The following CACNA1C variants were observed in gnomAD, a reference collection of about 807,000 sequenced individuals.
The protein encoded by CACNA1C is calcium voltage-gated channel subunit alpha1 C, also known as voltage-dependent L-type calcium channel subunit alpha-1C.
Under a neutral mutation model 229.0 loss-of-function variants are expected in CACNA1C, and 30 were observed. The ratio of observed to expected loss-of-function variants is 0.13; its 90% CI spans 0.10 to 0.18. The LOEUF (loss-of-function observed/expected upper bound fraction) is 0.18. Among genes scored for constraint, CACNA1C ranks in the 10% least tolerant of loss-of-function variants. The probability of loss-of-function intolerance (pLI) is 1.00; values close to 1 mark genes in which losing one functional copy is unlikely to be tolerated. For missense variants in CACNA1C, 1,658 were observed against 2,845.0 expected (o/e 0.58, Z 9.49); for synonymous variants, 1,114 against 1,132.5 (o/e 0.98, Z 0.33).
intron 6 of CACNA1C, among the ~76,000 whole-genome samples, chr12:2,490,807 G>A (rs1485739169): frequency 7.9e-5 from 12 of 152,106 alleles, no homozygotes; most frequent in Admixed American, 6.5e-5. Context: ...GCCCTCCTGG[G>A]AGCTGGACCC....
At chr12:2,619,783 C>A (rs562370921) in intron 29 of CACNA1C, among the ~76,000 whole-genome samples, 1 of 152,222 alleles carries the variant, frequency 6.6e-6, no homozygotes, top group East Asian at 1.9e-4. Context: ...TCACCAACAA[C>A]CCCCAAAATA....
In CACNA1C at chr12:2,549,951, C is replaced by T; in HGVS notation, c.1399C>T (p.Pro467Ser). ...DEEKPRNMSM[P>S]TSETESVNTE... ...CCCTTTGACTCTTGCAGTGAGCATGCCCACCAGTGAGACCGAGTCCGTCAA... is the reference window on the plus strand; with the variant it reads ...CCCTTTGACTCTTGCAGTGAGCATGTCCACCAGTGAGACCGAGTCCGTCAA... Residue 467 changes from proline to serine, a missense_variant, in exon 10 of 47, where the codon CCC becomes TCC. By Grantham distance (74) the Pro-to-Ser change is moderately conservative (BLOSUM62 -1). Transcript: ENST00000399655. The T allele has an allele frequency of 6.2e-7, 1 of 1,601,270 alleles. No homozygotes were observed. The highest frequency in any genetic ancestry group is 8.5e-7 in the Non-Finnish European group (1 of 1,173,508).
At chr12:2,284,147 C>T (rs1483426146) in intron 3 of CACNA1C, among the ~76,000 whole-genome samples, 1 of 152,286 alleles carries the variant, frequency 6.6e-6, no homozygotes, top group African/African-American at 2.4e-5. Context: ...AGTGCTGAGG[C>T]TCTGCCGGGC....
At chr12:2,494,448 G>A (rs768438392) in intron 7 of CACNA1C, among the ~76,000 whole-genome samples, 8 of 152,318 alleles carry the variant, frequency 5.3e-5, no homozygotes, top group Admixed American at 1.3e-4. Context: ...GAATTTGGGC[G>A]AATAAAGCAT....
chr12:2,087,881 T>C (rs951935918), intron 1 of CACNA1C, among the ~76,000 whole-genome samples: 2 of 152,244 alleles, frequency 1.3e-5, no homozygotes, highest in Non-Finnish European at 2.9e-5. Flanking sequence ...TGTTTGTCTC[T>C]GGGTAATGGT....
chr12:2,680,247 G>A (rs2097067873), intron 42 of CACNA1C: 10 of 744,286 alleles, frequency 1.3e-5, no homozygotes, highest in South Asian at 6.8e-5. Context: ...TGTGGGAGGC[G>A]CCATCTGTAG....
At chr12:2,106,559 C>G (rs2078757749) in intron 1 of CACNA1C, among the ~76,000 whole-genome samples, 1 of 118,274 alleles carries the variant, frequency 8.5e-6, no homozygotes, top group Non-Finnish European at 1.8e-5. Context: ...GTTTCCACCT[C>G]AGCTGGGCAT....
chr12:2,608,280 T>C lies in CACNA1C; in HGVS notation c.3357-231T>C, dbSNP rs185199011. 6.6e-6 allele frequency among the ~76,000 whole-genome samples: 1 copy of C among 152,300 alleles called. No individual in the cohort carries two copies. The highest frequency in any genetic ancestry group is 2.4e-5 in the African/African-American group (1 of 41,554). Reference sequence around the variant, plus strand: ...ACATTATTCTAACTACCCTGCAAGGTAGGAAAGTCAGGAATTATTGTCTCC... The same window carrying C: ...ACATTATTCTAACTACCCTGCAAGGCAGGAAAGTCAGGAATTATTGTCTCC... On this transcript the variant is annotated intron_variant, in intron 26 of 46. Transcript: ENST00000399655. This position sits in a 1 kb window ranked among gnomAD's most constrained non-coding sequence, Gnocchi z 4.2.
chr12:2,473,294 A>G (rs1427036410), intron 5 of CACNA1C, among the ~76,000 whole-genome samples: 3 of 152,166 alleles, frequency 2.0e-5, no homozygotes, highest in Non-Finnish European at 4.4e-5. Context: ...AGGGCCCTGT[A>G]TCTACCTCGC....
chr12:2,484,201 G>A (rs2099688308), intron 5 of CACNA1C, among the ~76,000 whole-genome samples: 1 of 152,230 alleles, frequency 6.6e-6, no homozygotes, highest in African/African-American at 2.4e-5. Flanking sequence ...AACGTTTCTG[G>A]TCTGGGAGTT....
chr12:2,413,309 A>G (rs1355143851), intron 3 of CACNA1C, among the ~76,000 whole-genome samples: 1 of 152,202 alleles, frequency 6.6e-6, no homozygotes, highest in Non-Finnish European at 1.5e-5. Flanking sequence ...GAGCCACCAC[A>G]CCCAGCCTAC....
chr12:2,008,822 C>T (rs879451839), intron 1 of CACNA1C, among the ~76,000 whole-genome samples: 2 of 152,192 alleles, frequency 1.3e-5, no homozygotes, highest in African/African-American at 4.8e-5. Context: ...TTGTTCATCT[C>T]CCTGGCCCAC....
At chr12:2,323,591 G>C (rs888955570) in intron 3 of CACNA1C, among the ~76,000 whole-genome samples, 3 of 152,174 alleles carry the variant, frequency 2.0e-5, no homozygotes, top group Non-Finnish European at 2.9e-5. Flanking sequence ...CACTGAGCTT[G>C]CTGCCCTGGA....
rs2093374825 is a variant in CACNA1C, at chr12:2,639,455, C to T, written c.3912+5075C>T. Among the ~76,000 whole-genome samples the T allele has an allele frequency of 6.6e-6, 1 of 152,304 alleles. No homozygotes were observed. Among genetic ancestry groups the T allele is most frequent in the East Asian group, 1.9e-4 (1 of 5,182 alleles). Reference sequence around the variant, plus strand: ...ATACTGAACAATAGAAAGTGCTGGGCAGCCTGAATTCCTGCATTATGGACA... The same window carrying T: ...ATACTGAACAATAGAAAGTGCTGGGTAGCCTGAATTCCTGCATTATGGACA... On this transcript the variant is annotated intron_variant, in intron 30 of 46. Coordinates refer to ENST00000399655, the MANE Select transcript of CACNA1C (RefSeq NM_000719.7). The surrounding 1 kb of genome is among the most constrained non-coding windows in gnomAD (Gnocchi z 4.2).
rs1262235677 is a variant in CACNA1C, at chr12:2,097,246, C to T, written c.50-17978C>T. Among the ~76,000 whole-genome samples, 4 of 152,070 alleles carry T rather than the reference C, an allele frequency of 2.6e-5. No homozygotes were observed. In the East Asian group the frequency reaches 5.8e-4, roughly 22 times the overall value. The stretch of plus-strand genomic sequence containing the variant: ...CTGCAAGCTCCGCCTCCCAGGTTCA[C>T]ACCATTCTCCTGCCTCAGCCTCCCG... On this transcript the variant is annotated intron_variant, in intron 1 of 46. Coordinates refer to ENST00000399655, the MANE Select transcript of CACNA1C (RefSeq NM_000719.7).
intron 3 of CACNA1C, among the ~76,000 whole-genome samples, chr12:2,171,587 C>T (rs377464232): frequency 4.9e-4 from 75 of 152,332 alleles, no homozygotes; most frequent in South Asian, 2.9e-3. Context: ...CTCCCTTCTT[C>T]GTTTTCTCCC....
intron 9 of CACNA1C, among the ~76,000 whole-genome samples, chr12:2,535,704 T>TAAAAAAAAAAAAAAAAAAAAAAAAAAA (rs758857733): frequency 1.6e-4 from 6 of 36,562 alleles, no homozygotes; most frequent in African/African-American, 2.6e-4. Context: ...AGACCCTGTC[T>TAAAAAAAAAAAAAAAAAAAAAAAAAAA]AAAAAAAAAA....
chr12:2,004,438 T>A (rs1565896999), intron 1 of CACNA1C: 1 of 1,605,234 alleles, frequency 6.2e-7, no homozygotes, highest in South Asian at 1.1e-5. Flanking sequence ...CCATCTTCCC[T>A]CCCTCCCAGA....
intron 30 of CACNA1C, chr12:2,641,827 A>G (rs1322661984): frequency 1.4e-6 from 1 of 701,236 alleles, no homozygotes; most frequent in Admixed American, 2.0e-5. Context: ...CCATCCCCCC[A>G]CAAAGGCTGT....
Sources: allele counts gnomAD v4.1 joint callset (sites outside exome capture counted in the v4.1 genomes callset), GRCh38; gene constraint gnomAD v4.1.1; non-coding constraint Gnocchi (gnomAD v3.1); transcripts MANE v1.5; gene names NCBI Gene and HGNC (gene_info 2026-07-23, HGNC 2026-07-21).